NSG2: variants seen among roughly 807,000 people sequenced by gnomAD.
The protein encoded by NSG2 is neuronal vesicle trafficking-associated protein 2.
In NSG2, 4 loss-of-function variants were observed where a neutral mutation model predicts 16.9. The ratio of observed to expected loss-of-function variants is 0.24; its 90% confidence interval spans 0.12 to 0.54. The LOEUF (loss-of-function observed/expected upper bound fraction) is 0.54. NSG2 is among the 20% of genes least tolerant of loss of function. The pLI is 0.95. For missense variants in NSG2, 179 were observed against 221.1 expected, an observed-to-expected ratio of 0.81 and a Z score of 1.21; for synonymous variants, 98 against 88.7, an observed-to-expected ratio of 1.11 and a Z score of -0.59.
rs1039448386 is a variant in NSG2, at chr5:174,107,460, C to T, written c.471C>T (p.Ala157=). Residue 157 remains alanine, a synonymous_variant, in exon 5 of 5, where the codon GCC becomes GCT. Coordinates refer to ENST00000303177, the MANE Select transcript of NSG2 (RefSeq NM_015980.5). The surrounding 1 kb of genome is among the most constrained non-coding windows in gnomAD (Gnocchi z 4.5). ...ARAIGPWLSA[A]AVIHEPKPPK... is the part of the protein sequence containing the mutation. ...CCATCGGGCCGTGGCTGTCAGCAGC[C>T]GCTGTCATCCATGAGCCCAAGCCGC... 6.8e-6 allele frequency: 11 copies of T among 1,612,348 alleles called. No individual in the cohort carries two copies. Among genetic ancestry groups the T allele is most frequent in the Middle Eastern group, 1.7e-4 (1 of 6,056 alleles).
Position 174,064,333 on chromosome 5 carries a change from G to T in NSG2, c.213+18G>T, listed in dbSNP as rs767550097. The T allele has an allele frequency of 6.3e-7, 1 of 1,591,990 alleles. No homozygotes were observed. Among genetic ancestry groups the T allele is most frequent in the Non-Finnish European group, 8.6e-7 (1 of 1,161,582 alleles). ...AATTTACGGTCAGTTTCTTGATGGT[G>T]TAATAGAAAGAGTAAAGGAGAGGCT... On this transcript the variant is annotated intron_variant, in intron 3 of 4. Coordinates refer to ENST00000303177, the MANE Select transcript of NSG2 (RefSeq NM_015980.5).
intron 3 of NSG2, among the ~76,000 whole-genome samples, chr5:174,076,552 G>GA (rs937314101): frequency 2.9e-4 from 44 of 151,842 alleles, no homozygotes; most frequent in African/African-American, 8.9e-4. Context: ...CTGAGGCTAA[G>GA]AAAAAAAAAT....
At position 174,077,368 on chromosome 5, in the gene NSG2, G is replaced by A. The variant is rs539156670; in HGVS notation, c.213+13053G>A. Among the ~76,000 whole-genome samples the A allele has an allele frequency of 5.3e-5, 8 of 152,020 alleles. No homozygotes were observed. In the South Asian group the frequency reaches 1.7e-3, roughly 32 times the overall value. On this transcript the variant is annotated intron_variant, in intron 3 of 4. Transcript: ENST00000303177. ...CCTTTCCCTGCTTCAAACCATTCTGGGGCTTCTCTTGATCATTAGGGTAAA... is the reference window on the plus strand; with the variant it reads ...CCTTTCCCTGCTTCAAACCATTCTGAGGCTTCTCTTGATCATTAGGGTAAA...
intron 3 of NSG2, among the ~76,000 whole-genome samples, chr5:174,071,758 C>T (rs1253421015): frequency 6.6e-6 from 1 of 152,122 alleles, no homozygotes; most frequent in Non-Finnish European, 1.5e-5. Flanking sequence ...CTCAGAGAGG[C>T]AGAGCGAGCC....
intron 2 of NSG2, among the ~76,000 whole-genome samples, chr5:174,047,379 A>G (rs1451468589): frequency 2.0e-5 from 3 of 152,246 alleles, no homozygotes; most frequent in East Asian, 1.9e-4. Context: ...ATCCTGGTAA[A>G]TGTTATACCT....
chr5:174,103,540 C>CG (rs1459109238), intron 3 of NSG2, among the ~76,000 whole-genome samples: 3 of 151,944 alleles, frequency 2.0e-5, no homozygotes, highest in African/African-American at 7.3e-5. Context: ...AGTGCTGGGG[C>CG]GCGGTGGGGA....
At chr5:174,084,002 T>C (rs972334297) in intron 3 of NSG2, 1 of 152,198 alleles carries the variant, frequency 6.6e-6, no homozygotes, top group Admixed American at 6.5e-5. Flanking sequence ...CTATGAATAT[T>C]ATCGCCGACC....
chr5:174,067,745 G>A (rs542045302), intron 3 of NSG2, among the ~76,000 whole-genome samples: 1 of 152,348 alleles, frequency 6.6e-6, no homozygotes, highest in East Asian at 1.9e-4. Context: ...AGGTAATTAA[G>A]AAGAGTCTGA....
intron 3 of NSG2, among the ~76,000 whole-genome samples, chr5:174,094,094 A>T (rs1399039650): frequency 6.6e-6 from 1 of 152,222 alleles, no homozygotes; most frequent in African/African-American, 2.4e-5. Context: ...CACAACGCCA[A>T]TTAAGGTATG....
intron 2 of NSG2, among the ~76,000 whole-genome samples, chr5:174,054,085 A>C (rs1759931962): frequency 6.6e-6 from 1 of 152,264 alleles, no homozygotes; most frequent in South Asian, 2.1e-4. Flanking sequence ...AATCCTAAGC[A>C]GAGGTTTTGA....
At chr5:174,105,900 C>CA (rs1406949578) in intron 4 of NSG2, among the ~76,000 whole-genome samples, 13 of 149,934 alleles carry the variant, frequency 8.7e-5, no homozygotes, top group East Asian at 3.9e-4. Flanking sequence ...GACTCTGTCT[C>CA]AAAAAAAAAG....
intron 3 of NSG2, among the ~76,000 whole-genome samples, chr5:174,090,705 A>G (rs1306860936): frequency 6.6e-6 from 1 of 152,130 alleles, no homozygotes; most frequent in East Asian, 1.9e-4. Flanking sequence ...TGTTCAGGGC[A>G]GTGGGGTGGG....
intron 3 of NSG2, among the ~76,000 whole-genome samples, chr5:174,084,745 G>T (rs541514146): frequency 2.4e-4 from 36 of 152,344 alleles, no homozygotes; most frequent in African/African-American, 7.9e-4. Flanking sequence ...GGGCTACGGG[G>T]TCACAGTTGA....
chr5:174,086,088 C>T (rs1760613625), intron 3 of NSG2, among the ~76,000 whole-genome samples: 1 of 152,040 alleles, frequency 6.6e-6, no homozygotes, highest in South Asian at 2.1e-4. Flanking sequence ...CGTTTAACCC[C>T]CTGCCCTGCC....
chr5:174,094,748 A>C (rs1016106116), intron 3 of NSG2, among the ~76,000 whole-genome samples: 1 of 152,188 alleles, frequency 6.6e-6, no homozygotes, highest in Non-Finnish European at 1.5e-5. Context: ...GATTTCATCC[A>C]ACTGGGTTCT....
At chr5:174,069,972 G>A (rs1284521087) in intron 3 of NSG2, among the ~76,000 whole-genome samples, 1 of 150,442 alleles carries the variant, frequency 6.6e-6, no homozygotes, top group Non-Finnish European at 1.5e-5. Flanking sequence ...TGACCTCCCA[G>A]GCTCAAGTGA....
intron 3 of NSG2, among the ~76,000 whole-genome samples, chr5:174,074,710 T>TC (rs1421234685): frequency 2.0e-5 from 3 of 151,946 alleles, no homozygotes; most frequent in African/African-American, 7.3e-5. Flanking sequence ...CTTCCTACAC[T>TC]CCCAGTGTTC....
chr5:174,094,799 G>A (rs761931293), intron 3 of NSG2, among the ~76,000 whole-genome samples: 17 of 152,182 alleles, frequency 1.1e-4, no homozygotes, highest in East Asian at 3.8e-4. Flanking sequence ...CAGTTAAGAC[G>A]GGTCCTGAAA....
intron 3 of NSG2, among the ~76,000 whole-genome samples, chr5:174,067,304 C>T (rs1009153789): frequency 6.6e-6 from 1 of 152,048 alleles, no homozygotes; most frequent in African/African-American, 2.4e-5. Context: ...ACATAACATG[C>T]TGACCCACCA....
Sources: gnomAD v4.1 joint callset for allele counts (sites outside exome capture counted in the v4.1 genomes callset) on GRCh38, gnomAD v4.1.1 for gene constraint, Gnocchi (gnomAD v3.1) non-coding constraint, MANE v1.5 for transcripts, NCBI Gene and HGNC (gene_info 2026-07-23, HGNC 2026-07-21) for gene names.